PRORP: variants seen among roughly 807,000 people sequenced by gnomAD.
PRORP encodes the protein protein only RNase P catalytic subunit, also known as mitochondrial ribonuclease P catalytic subunit.
A neutral mutation model predicts 59.4 loss-of-function variants in PRORP; 51 were observed. The ratio of observed to expected loss-of-function variants is 0.86; its 90% CI spans 0.69 to 1.08. The LOEUF (loss-of-function observed/expected upper bound fraction) is 1.08. PRORP is among the 50% of genes least tolerant of loss of function. The pLI, the probability that PRORP is intolerant of heterozygous loss-of-function variation, is 0.00. For missense variants in PRORP, 646 were observed against 690.3 expected (o/e 0.94, Z 0.72); for synonymous variants, 231 against 245.6 (o/e 0.94, Z 0.55).
At position 35,273,504 on chromosome 14, in the gene PRORP, T is replaced by C. The variant is rs764146650; in HGVS notation, c.1690T>C (p.Leu564=). 1.5e-5 allele frequency: 25 copies of C among 1,613,618 alleles called. No homozygotes were observed. In the South Asian group the frequency reaches 2.2e-4, roughly 14 times the overall value. ...GTGGCACATACCATATGATGAAGAC[T>C]TGGTAGAAAGATGTTCCTGTGAAGT... ...DSWHIPYDED[L]VERCSCEVPT... is the part of the protein sequence containing the mutation. Residue 564 remains leucine (L), a synonymous_variant, in exon 8 of 8, where the codon TTG becomes CTG. Coordinates refer to ENST00000534898, the MANE Select transcript of PRORP (RefSeq NM_014672.4).
intron 4 of PRORP, among the ~76,000 whole-genome samples, chr14:35,140,235 G>A (rs2047454032): frequency 6.9e-6 from 1 of 144,444 alleles, no homozygotes; most frequent in African/African-American, 2.4e-5. Context: ...GTAGATATGT[G>A]TGTGTGTGTG....
At chr14:35,205,393 T>G (rs1425468678) in intron 5 of PRORP, among the ~76,000 whole-genome samples, 2 of 152,210 alleles carry the variant, frequency 1.3e-5, no homozygotes, top group Non-Finnish European at 2.9e-5. Flanking sequence ...TTTCACCATG[T>G]TGGCCAGACT....
chr14:35,239,391 A>G (rs1010964239), intron 5 of PRORP, among the ~76,000 whole-genome samples: 1 of 151,762 alleles, frequency 6.6e-6, no homozygotes, highest in East Asian at 1.9e-4. Flanking sequence ...TCCACTTCCT[A>G]TGCTTTCTCC....
intron 5 of PRORP, among the ~76,000 whole-genome samples, chr14:35,193,672 G>C (rs971598226): frequency 6.7e-6 from 1 of 148,504 alleles, no homozygotes; most frequent in African/African-American, 2.5e-5. Flanking sequence ...AGAAATGTGA[G>C]TTTCTCGATC....
At chr14:35,122,309 A>C (rs117608773), upstream of PRORP, 699 of 275,206 alleles carry the variant, frequency 2.5e-3, 2 homozygotes, top group Middle Eastern at 6.0e-3. Context: ...CCAGGAGTTC[A>C]TTAGTTCCGG....
At chr14:35,184,523 A>T (rs2048696164) in intron 5 of PRORP, among the ~76,000 whole-genome samples, 1 of 152,064 alleles carries the variant, frequency 6.6e-6, no homozygotes, top group South Asian at 2.1e-4. Flanking sequence ...ATCTTTTTTA[A>T]AAAACTTTTA....
chr14:35,264,116 T>C (rs1050416906), intron 5 of PRORP, among the ~76,000 whole-genome samples: 62 of 151,998 alleles, frequency 4.1e-4, no homozygotes, highest in Non-Finnish European at 3.5e-4. Flanking sequence ...TTATTTTATT[T>C]ATTCATTCAT....
At chr14:35,243,257 T>C (rs540903010) in intron 5 of PRORP, among the ~76,000 whole-genome samples, 42 of 152,182 alleles carry the variant, frequency 2.8e-4, no homozygotes, top group Admixed American at 7.9e-4. Context: ...CAGGACCCGG[T>C]ATGGTGGCTC....
At chr14:35,122,069 A>C (rs1381658852), upstream of PRORP, 10 of 1,165,724 alleles carry the variant, frequency 8.6e-6, no homozygotes, top group African/African-American at 1.5e-5. Flanking sequence ...AAGGCCGTCC[A>C]ACCACCATCT....
At chr14:35,262,367 G>A in intron 5 of PRORP, 1 of 328,594 alleles carries the variant, frequency 3.0e-6, no homozygotes, top group Non-Finnish European at 5.9e-6. Context: ...GTAGATGTTT[G>A]CCTTTTATTA....
chr14:35,167,460 G>A (rs904678606), intron 4 of PRORP, among the ~76,000 whole-genome samples: 1 of 152,122 alleles, frequency 6.6e-6, no homozygotes, highest in African/African-American at 2.4e-5. Flanking sequence ...ATTTGGTTAG[G>A]AGAACTCTCC....
At chr14:35,175,113 G>A (rs1020448324) in intron 4 of PRORP, among the ~76,000 whole-genome samples, 2 of 151,922 alleles carry the variant, frequency 1.3e-5, no homozygotes, top group African/African-American at 4.8e-5. Flanking sequence ...TGGTGTATAT[G>A]TGCCACATTT....
chr14:35,266,558 G>A (rs1422549591), intron 5 of PRORP, among the ~76,000 whole-genome samples, 169 bp from the exon 6 acceptor site: 1 of 152,102 alleles, frequency 6.6e-6, no homozygotes, highest in Non-Finnish European at 1.5e-5. Flanking sequence ...ATGTGTAATA[G>A]GGAAGCATTT....
intron 5 of PRORP, chr14:35,218,953 T>C (rs2049694966): frequency 6.6e-6 from 1 of 152,188 alleles, no homozygotes; most frequent in African/African-American, 2.4e-5. Context: ...AGCTACACTT[T>C]TTCAGTTCCA....
chr14:35,152,329 T>G (rs530534648), intron 4 of PRORP, among the ~76,000 whole-genome samples: 1 of 152,356 alleles, frequency 6.6e-6, no homozygotes, highest in East Asian at 1.9e-4. Flanking sequence ...CATGTCTGCT[T>G]CTTTCTACAC....
rs1020087062 is a variant in PRORP at position 35,145,180 on chromosome 14, C to T, written c.1167+17569C>T. Among the ~76,000 whole-genome samples the T allele has an allele frequency of 4.9e-5, 7 of 144,072 alleles. 1 individual carries two copies. Among genetic ancestry groups the T allele is most frequent in the African/African-American group, 1.7e-4 (7 of 40,832 alleles). 94.5% of individuals were successfully genotyped at this position (144,072 alleles called of 152,430 possible). On this transcript the variant is annotated intron_variant, in intron 4 of 7. Transcript: ENST00000534898. The stretch of plus-strand genomic sequence containing the variant: ...GAGATGGGGGATCTCACTTTGTTGC[C>T]TGGGCTTGTCGTGAACTCCTGGGCT...
rs146888628 is a variant in PRORP, at chr14:35,138,377, T to C, written c.1167+10766T>C. 5.5e-5 allele frequency among the ~76,000 whole-genome samples: 8 copies of C among 146,060 alleles called. 1 individual carries two copies. In the South Asian group the frequency reaches 6.7e-4, roughly 12 times the overall value. On this transcript the variant is annotated intron_variant, in intron 4 of 7. Transcript: ENST00000534898. ...TCCGTAATACCGTTCATTGTAAATA[T>C]GCGTTAATAAAACTATATTATATTC...
chr14:35,128,922 C>T (rs931950372), intron 4 of PRORP, among the ~76,000 whole-genome samples: 17 of 151,830 alleles, frequency 1.1e-4, no homozygotes, highest in African/African-American at 1.5e-4. Flanking sequence ...TTTGGCCGGG[C>T]GCGATGGCTC....
intron 4 of PRORP, among the ~76,000 whole-genome samples, chr14:35,174,289 G>A (rs1357830276): frequency 1.3e-5 from 2 of 151,794 alleles, no homozygotes; most frequent in Non-Finnish European, 2.9e-5. Context: ...AAATAGTTGG[G>A]TATTTATCTA....
Sources: allele counts gnomAD v4.1 joint callset (sites outside exome capture counted in the v4.1 genomes callset), GRCh38; gene constraint gnomAD v4.1.1; transcripts MANE v1.5; gene names NCBI Gene and HGNC (gene_info 2026-07-23, HGNC 2026-07-21).